ABCA8: variants seen among roughly 807,000 people sequenced by gnomAD.
The protein encoded by ABCA8 is ATP binding cassette subfamily A member 8.
ABCA8 carries 177 observed loss-of-function variants against 192.3 expected under a neutral mutation model. The ratio of observed to expected loss-of-function variants is 0.92; its 90% CI spans 0.81 to 1.04. The LOEUF is 1.04. ABCA8 is among the 50% of genes least tolerant of loss of function. ABCA8 has a pLI of 0.00. For synonymous variants in ABCA8, 642 were observed against 690.2 expected, an observed-to-expected ratio of 0.93 and a Z score of 1.09; for missense variants, 1,915 against 1,904.8, an observed-to-expected ratio of 1.01 and a Z score of -0.10.
chr17:68,936,762 T>C (rs1367896555), intron 5 of ABCA8, among the ~76,000 whole-genome samples, 189 bp downstream of exon 5: 2 of 152,208 alleles, frequency 1.3e-5, no homozygotes, highest in South Asian at 2.1e-4. Context: ...TAGATAACTA[T>C]ATATAATGAC....
chr17:68,894,591 G>C lies in ABCA8; in HGVS notation c.2899-281C>G, dbSNP rs535950438. On this transcript the variant is annotated intron_variant, in intron 22 of 39. Coordinates refer to ENST00000586539, the MANE Select transcript of ABCA8 (RefSeq NM_001288985.2). ...GTGTTTATTGTTTAAGAACAAAACA[G>C]AAGTTTTGGAATACATGTGTTATAA... Among the ~76,000 whole-genome samples, 15 of 152,298 alleles carry C rather than the reference G, an allele frequency of 9.8e-5. No homozygotes were observed. The South Asian group carries it at 3.1e-3, about 32-fold the overall frequency.
chr17:68,932,093 C>G (rs925004097), intron 7 of ABCA8, 195 bp downstream of exon 7: 6 of 435,428 alleles, frequency 1.4e-5, no homozygotes, highest in African/African-American at 4.0e-5. Flanking sequence ...ACCTGCAGTC[C>G]CAGCTACTTG....
intron 35 of ABCA8, 131 bp downstream of exon 35, chr17:68,876,329 T>C (rs2066203716): frequency 9.9e-7 from 1 of 1,008,694 alleles, no homozygotes. Context: ...AGTATTGGTT[T>C]TACAAGTGAC....
rs749965577 is a variant in ABCA8, at chr17:68,929,055, C to T, written c.1119G>A (p.Met373Ile). 4 of 1,561,618 alleles carry T rather than the reference C, an allele frequency of 2.6e-6. No homozygotes were observed. Among genetic ancestry groups the T allele is most frequent in the Non-Finnish European group, 3.5e-6 (4 of 1,152,804 alleles). The change falls in exon 9 of 40, where the codon ATG (methionine) becomes ATA (isoleucine). Residue 373 changes from methionine to isoleucine, a missense_variant. Coordinates refer to ENST00000586539, the MANE Select transcript of ABCA8 (RefSeq NM_001288985.2). ...LLSPFAFMLG[M>I]AQLLHLDYDL... ...CATTCAGATGGCATCTCACCTGGGC[C>T]ATTCCAAGCATGAAGGCAAAGGGAC...
intron 24 of ABCA8, among the ~76,000 whole-genome samples, 189 bp downstream of exon 24, chr17:68,891,300 A>G (rs1456823832): frequency 1.3e-5 from 2 of 152,166 alleles, no homozygotes; most frequent in Admixed American, 6.5e-5. Context: ...AAAGTTCAGA[A>G]TAATTCTCTA....
intron 21 of ABCA8, among the ~76,000 whole-genome samples, chr17:68,898,402 G>T (rs959195978): frequency 2.0e-5 from 3 of 152,022 alleles, no homozygotes; most frequent in African/African-American, 7.2e-5. Flanking sequence ...AGGTAGAATA[G>T]AACTTTTTTC....
At chr17:68,924,572 G>GACAGAAGCAGC in intron 11 of ABCA8, 129 bp downstream of exon 11, 2 of 972,804 alleles carry the variant, frequency 2.1e-6, no homozygotes, top group Non-Finnish European at 2.9e-6. Flanking sequence ...GATGGAAAGT[G>GACAGAAGCAGC]ACAGAAGCAG....
intron 19 of ABCA8, 27 bp from the exon 20 acceptor site, chr17:68,903,526 T>C (rs897566590): frequency 6.2e-7 from 1 of 1,606,828 alleles, no homozygotes; most frequent in Non-Finnish European, 8.5e-7. Flanking sequence ...AAGCAACTCA[T>C]ATGTACTTTA....
intron 10 of ABCA8, among the ~76,000 whole-genome samples, chr17:68,925,602 A>C (rs1192031280): frequency 3.3e-5 from 5 of 152,162 alleles, no homozygotes; most frequent in African/African-American, 1.2e-4. Flanking sequence ...TCCCCACTGT[A>C]AGGTTATGGG....
chr17:68,950,223 T>C (rs961662778), intron 1 of ABCA8, among the ~76,000 whole-genome samples: 1 of 152,172 alleles, frequency 6.6e-6, no homozygotes, highest in Admixed American at 6.5e-5. Context: ...CATTTCGTGC[T>C]CATAGATAGG....
chr17:68,922,194 C>CTTT (rs201226205), intron 12 of ABCA8, 48 bp downstream of exon 12: 248 of 526,730 alleles, frequency 4.7e-4, no homozygotes, highest in East Asian at 7.8e-4. Context: ...TTCTCTCTCT[C>CTTT]TTTTTTTTTT....
intron 33 of ABCA8, chr17:68,877,267 C>T: frequency 3.1e-6 from 1 of 325,406 alleles, no homozygotes; most frequent in Admixed American, 4.8e-5. Flanking sequence ...AGTCCACCTG[C>T]CTCAGCCTCC....
chr17:68,921,114 G>A (rs989944663), intron 13 of ABCA8, among the ~76,000 whole-genome samples: 30 of 151,856 alleles, frequency 2.0e-4, no homozygotes, highest in African/African-American at 6.3e-4. Context: ...AAAACCAAAC[G>A]CCGCATGTTC....
chr17:68,936,896 G>T, intron 5 of ABCA8, 55 bp downstream of exon 5: 2 of 1,436,438 alleles, frequency 1.4e-6, no homozygotes, highest in South Asian at 1.5e-5. Context: ...TCCCACACAT[G>T]ACTTATGACA....
intron 24 of ABCA8, 22 bp from the exon 25 acceptor site, chr17:68,887,528 T>C: frequency 6.4e-7 from 1 of 1,569,450 alleles, no homozygotes; most frequent in East Asian, 2.3e-5. Flanking sequence ...ACAGCAAAGA[T>C]ACAAAGTTTG....
rs184510635 is a variant in ABCA8 at position 68,876,704 on chromosome 17, C to G, written c.4200-1G>C. The G allele has an allele frequency of 1.4e-3, 2,291 of 1,614,136 alleles. 42 individuals carry two copies. The Admixed American group carries it at 0.036, about 25-fold the overall frequency. On this transcript the variant is annotated splice_acceptor_variant, in intron 33 of 39. Coordinates refer to ENST00000586539, the MANE Select transcript of ABCA8 (RefSeq NM_001288985.2). LOFTEE classifies it high-confidence loss of function. ...CTGCAGCTTGAGCGCATCCACTAAC[C>G]TGAAGGAAACAGGAGAGTCGTACAG...
intron 10 of ABCA8, among the ~76,000 whole-genome samples, chr17:68,925,076 T>C (rs992357358): frequency 2.6e-5 from 4 of 152,128 alleles, no homozygotes; most frequent in Non-Finnish European, 5.9e-5. Context: ...TCGGAAGCAA[T>C]GAAACTGTGA....
At chr17:68,869,888 CATTTA>C in intron 37 of ABCA8, 109 bp from the exon 38 acceptor site, 1 of 742,290 alleles carries the variant, frequency 1.3e-6, no homozygotes, top group South Asian at 1.8e-5. Context: ...GTGTTAGGAA[CATTTA>C]ACATGAGATC....
At chr17:68,945,451 TG>T (rs2068373080) in intron 2 of ABCA8, among the ~76,000 whole-genome samples, 1 of 152,212 alleles carries the variant, frequency 6.6e-6, no homozygotes, top group Admixed American at 6.5e-5. Flanking sequence ...GTTTAAGTTT[TG>T]TTGTGGTCAA....
Sources: gnomAD v4.1 joint callset for allele counts (sites outside exome capture counted in the v4.1 genomes callset) on GRCh38, gnomAD v4.1.1 for gene constraint, MANE v1.5 for transcripts, NCBI Gene and HGNC (gene_info 2026-07-23, HGNC 2026-07-21) for gene names.